DYSF: variants seen among roughly 807,000 people sequenced by gnomAD.
The protein encoded by DYSF is dystrophy-associated fer-1-like 1.
DYSF carries 212 observed loss-of-function variants against 274.9 expected under a neutral mutation model. The ratio of observed to expected loss-of-function variants is 0.77; its 90% CI spans 0.69 to 0.86. DYSF has a LOEUF of 0.86. DYSF is among the 40% of genes least tolerant of loss of function. The pLI, the probability that DYSF is intolerant of heterozygous loss-of-function variation, is 0.00. For synonymous variants in DYSF, 1,091 were observed against 1,078.7 expected, an observed-to-expected ratio of 1.01 and a Z score of -0.22; for missense variants, 2,666 against 2,783.2, an observed-to-expected ratio of 0.96 and a Z score of 0.95.
At chr2:71,624,839 C>T (rs556347596) in intron 41 of DYSF, among the ~76,000 whole-genome samples, 6 of 152,122 alleles carry the variant, frequency 3.9e-5, no homozygotes, top group Middle Eastern at 3.4e-3. Context: ...TGTATGCATT[C>T]GTAAAACTGG....
chr2:71,607,129 A>G (rs987202771), intron 36 of DYSF, among the ~76,000 whole-genome samples: 3 of 152,200 alleles, frequency 2.0e-5, no homozygotes, highest in Non-Finnish European at 2.9e-5. Context: ...GTAAGTTGCT[A>G]TGGGAGCTAC....
In DYSF at chr2:71,637,257, C is replaced by T. The variant is rs186544449; in HGVS notation, c.4528-6708C>T. Among the ~76,000 whole-genome samples, 6 of 152,132 alleles carry T rather than the reference C, an allele frequency of 3.9e-5. No individual in the cohort carries two copies. In the South Asian group the frequency reaches 6.2e-4, roughly 16 times the overall value. ...ACACAGGAGAGGGTGAGGAGAGTCA[C>T]GGAGTGATGGCCTTGAATGGACCAG... On this transcript the variant is annotated intron_variant, in intron 41 of 55. Coordinates refer to ENST00000410020, the MANE Select transcript of DYSF (RefSeq NM_001130987.2).
chr2:71,686,712 GC>G lies in DYSF; in HGVS notation c.*221del. On this transcript the variant is annotated 3_prime_UTR_variant, in exon 56 of 56. Transcript: ENST00000410020. ...TCATTTCCTTCTCCCCCAACCCAAC[GC>G]TTTTTTGGATCAGCTCAGACATATT... 1.6e-6 allele frequency: 1 copy of G among 614,086 alleles called. No individual in the cohort carries two copies. Among genetic ancestry groups the G allele is most frequent in the South Asian group, 1.9e-5 (1 of 53,536 alleles). The allele number at this position is 614,086 out of a possible 1,614,324, so 38.0% of individuals were successfully genotyped here. A position where few individuals can be genotyped will look rare whatever the true frequency, so the allele number is the denominator to read the frequency against.
chr2:71,508,032 A>T (rs188629766), intron 4 of DYSF, among the ~76,000 whole-genome samples: 6 of 152,302 alleles, frequency 3.9e-5, no homozygotes, highest in Admixed American at 2.0e-4. Context: ...TCCTGACCTC[A>T]TGCTAATCTT....
At chr2:71,618,434 G>GT (rs1558640223) in intron 40 of DYSF, among the ~76,000 whole-genome samples, 12 of 45,714 alleles carry the variant, frequency 2.6e-4, no homozygotes, top group East Asian at 6.9e-4. Context: ...GTAGAGGTGG[G>GT]GTGTGTGTGG....
At position 71,551,510 on chromosome 2, in the gene DYSF, C is replaced by T. The variant is rs998576426; in HGVS notation, c.1693-97C>T. On this transcript the variant is annotated intron_variant, in intron 18 of 55. Coordinates refer to ENST00000410020, the MANE Select transcript of DYSF (RefSeq NM_001130987.2). ...GGTTGGCTGAGGGACCTCCTGGGTG[C>T]CTGAGAGATGAGCTACCTCAGGGCC... 20 of 1,045,850 alleles carry T rather than the reference C, an allele frequency of 1.9e-5. No individual in the cohort carries two copies. The African/African-American group carries it at 3.0e-4, about 15-fold the overall frequency. The allele number at this position is 1,045,850 out of a possible 1,614,324, so 64.8% of individuals were successfully genotyped here. A position where few individuals can be genotyped will look rare whatever the true frequency, so the allele number is the denominator to read the frequency against.
chr2:71,618,382 A>G (rs955262267), intron 40 of DYSF, among the ~76,000 whole-genome samples: 8 of 15,874 alleles, frequency 5.0e-4, no homozygotes, highest in Admixed American at 2.0e-3. Flanking sequence ...CATGTGTGGT[A>G]GAGGTGGTGT....
chr2:71,496,267 T>C (rs1291100929), intron 3 of DYSF, among the ~76,000 whole-genome samples: 2 of 152,086 alleles, frequency 1.3e-5, no homozygotes, highest in South Asian at 2.1e-4. Context: ...CCAAGGTGGG[T>C]GGACCCCTTG....
chr2:71,604,352 A>C (rs1448941938), intron 36 of DYSF, among the ~76,000 whole-genome samples: 2 of 151,968 alleles, frequency 1.3e-5, no homozygotes, highest in Non-Finnish European at 2.9e-5. Context: ...TCCTGTAAGT[A>C]GGACCGCAGC....
intron 12 of DYSF, among the ~76,000 whole-genome samples, chr2:71,523,543 CTTTTT>C (rs10718722): frequency 7.7e-4 from 74 of 96,378 alleles, no homozygotes; most frequent in African/African-American, 2.9e-3. Flanking sequence ...CACCAGTCAT[CTTTTT>C]TTTTTTTTTT....
chr2:71,519,057 C>T (rs1219326321), intron 10 of DYSF, among the ~76,000 whole-genome samples: 4 of 136,494 alleles, frequency 2.9e-5, no homozygotes, highest in Non-Finnish European at 6.1e-5. Context: ...CGCACCATTG[C>T]ACTCCAGCCT....
intron 41 of DYSF, among the ~76,000 whole-genome samples, chr2:71,632,213 G>A (rs2094326707): frequency 6.6e-6 from 1 of 152,196 alleles, no homozygotes; most frequent in Admixed American, 6.5e-5. Flanking sequence ...TACAGCGCTA[G>A]CTGCTGAGCA....
intron 1 of DYSF, among the ~76,000 whole-genome samples, chr2:71,477,217 G>A (rs1474334519): frequency 6.6e-6 from 1 of 152,154 alleles, no homozygotes; most frequent in Non-Finnish European, 1.5e-5. Context: ...AGTGACAGGA[G>A]GGTTTTATGG....
At chr2:71,510,225 G>A (rs1439991255) in intron 4 of DYSF, among the ~76,000 whole-genome samples, 1 of 152,214 alleles carries the variant, frequency 6.6e-6, no homozygotes, top group African/African-American at 2.4e-5. Flanking sequence ...TTGCTGAAGT[G>A]GAAGAAAGTC....
intron 40 of DYSF, among the ~76,000 whole-genome samples, chr2:71,618,296 G>A (rs2093971925): frequency 7.5e-6 from 1 of 133,860 alleles, no homozygotes; most frequent in African/African-American, 2.9e-5. Context: ...GTGTGTGTGT[G>A]GTAGAGGTGG....
intron 35 of DYSF, 186 bp from the exon 36 acceptor site, chr2:71,602,590 G>T: frequency 1.6e-6 from 1 of 606,580 alleles, no homozygotes; most frequent in Non-Finnish European, 3.0e-6. Context: ...TTAGGGGCGT[G>T]GCTGGGAAGT....
intron 41 of DYSF, among the ~76,000 whole-genome samples, chr2:71,643,569 T>C (rs142784020): frequency 6.6e-6 from 1 of 152,314 alleles, no homozygotes; most frequent in East Asian, 1.9e-4. Flanking sequence ...AATACATTAT[T>C]GACATTTTCC....
At chr2:71,488,305 C>T (rs374703561) in intron 3 of DYSF, among the ~76,000 whole-genome samples, 2 of 152,090 alleles carry the variant, frequency 1.3e-5, no homozygotes, top group Non-Finnish European at 2.9e-5. Context: ...TGGAAAAATG[C>T]CTTCTCAGTG....
At chr2:71,597,825 C>T (rs550890292) in intron 32 of DYSF, among the ~76,000 whole-genome samples, 2 of 152,288 alleles carry the variant, frequency 1.3e-5, no homozygotes, top group Admixed American at 1.3e-4. Flanking sequence ...CCCTTTAGCA[C>T]CCCACACCCA....
Sources: allele counts gnomAD v4.1 joint callset (sites outside exome capture counted in the v4.1 genomes callset), GRCh38; gene constraint gnomAD v4.1.1; transcripts MANE v1.5; gene names NCBI Gene and HGNC (gene_info 2026-07-23, HGNC 2026-07-21).